ABLIM1: variants seen among roughly 807,000 people sequenced by gnomAD.
The protein encoded by ABLIM1 is actin-binding LIM protein 1.
ABLIM1 carries 40 observed loss-of-function variants against 107.0 expected under a neutral mutation model. The observed-to-expected ratio is 0.37, with a 90% CI of 0.29 to 0.49. ABLIM1 has a LOEUF of 0.49. Among genes scored for constraint, ABLIM1 ranks in the 20% least tolerant of loss-of-function variants. The pLI is 0.97. For synonymous variants in ABLIM1, 357 were observed against 357.3 expected (o/e 1.00, Z 0.01); for missense variants, 857 against 1,008.5 (o/e 0.85, Z 2.04).
At chr10:114,439,512 A>T (rs2059901042) in intron 20 of ABLIM1, 1 of 554,192 alleles carries the variant, frequency 1.8e-6, no homozygotes, top group Non-Finnish European at 3.2e-6. Flanking sequence ...GAATGAAAGC[A>T]TATAGTACAT....
At chr10:114,659,047 C>T (rs1297158776), upstream of ABLIM1, among the ~76,000 whole-genome samples, 1 of 152,194 alleles carries the variant, frequency 6.6e-6, no homozygotes, top group Admixed American at 6.5e-5. Context: ...CCGTCTACAA[C>T]CATACAAAAG....
chr10:114,586,696 T>TTG (rs1555190037), intron 2 of ABLIM1, among the ~76,000 whole-genome samples: 120 of 152,052 alleles, frequency 7.9e-4, no homozygotes, highest in African/African-American at 2.7e-3. Flanking sequence ...TCAGAAATAT[T>TTG]TGATAGAATA....
At chr10:114,717,890 T>G (rs2142007132) in intron 1 of ABLIM1, among the ~76,000 whole-genome samples, 1 of 122,498 alleles carries the variant, frequency 8.2e-6, no homozygotes, top group Admixed American at 1.1e-4. Flanking sequence ...CCAGCCTGGG[T>G]GACAGAGAAA....
At chr10:114,525,396 C>A (rs1285799039) in intron 6 of ABLIM1, among the ~76,000 whole-genome samples, 1 of 152,158 alleles carries the variant, frequency 6.6e-6, no homozygotes. Context: ...ACTGGATAAG[C>A]CACTGATGCG....
At chr10:114,544,667 A>G (rs890364108) in intron 6 of ABLIM1, among the ~76,000 whole-genome samples, 2 of 152,164 alleles carry the variant, frequency 1.3e-5, no homozygotes, top group African/African-American at 4.8e-5. Flanking sequence ...ACATGCACAC[A>G]TGGATGTATA....
Position 114,571,364 on chromosome 10 carries a change from T to C in ABLIM1, c.606A>G (p.Arg202=), listed in dbSNP as rs747509370. 84 of 1,614,052 alleles carry C rather than the reference T, an allele frequency of 5.2e-5. 1 individual carries two copies. Among genetic ancestry groups the C allele is most frequent in the Non-Finnish European group, 4.9e-5 (58 of 1,180,040 alleles). The change falls in exon 4 of 23, where the codon AGA becomes AGG. Residue 202 remains arginine (R), a synonymous_variant. Coordinates refer to ENST00000533213, the MANE Select transcript of ABLIM1 (RefSeq NM_002313.7). ...GTGCACAGAGTTGACAAAGGCAGTC[T>C]CTCCCATTGAATGTGACTCGGTCTC... ...PPGDRVTFNG[R]DCLCQLCAQP...
At chr10:114,691,940 G>A (rs1297044256) in intron 1 of ABLIM1, among the ~76,000 whole-genome samples, 1 of 152,148 alleles carries the variant, frequency 6.6e-6, no homozygotes, top group Non-Finnish European at 1.5e-5. Context: ...TAAACACCTA[G>A]AAGACACATA....
chr10:114,568,946 C>T (rs1192573144), intron 4 of ABLIM1, among the ~76,000 whole-genome samples: 4 of 152,152 alleles, frequency 2.6e-5, no homozygotes, highest in Non-Finnish European at 4.4e-5. Flanking sequence ...ATCAACATTT[C>T]GGTAGAGCTG....
At chr10:114,657,045 G>A (rs998325970) in intron 1 of ABLIM1, among the ~76,000 whole-genome samples, 2 of 152,158 alleles carry the variant, frequency 1.3e-5, no homozygotes, top group Admixed American at 1.3e-4. Context: ...GACTTTAAAT[G>A]GATGAATTTT....
At chr10:114,466,675 T>A (rs1259473567) in intron 11 of ABLIM1, among the ~76,000 whole-genome samples, 1 of 152,174 alleles carries the variant, frequency 6.6e-6, no homozygotes, top group Admixed American at 6.5e-5. Context: ...TAAATTCTCC[T>A]GAATAACAAG....
intron 2 of ABLIM1, among the ~76,000 whole-genome samples, chr10:114,582,262 A>G (rs2073477478): frequency 6.6e-6 from 1 of 152,202 alleles, no homozygotes; most frequent in African/African-American, 2.4e-5. Flanking sequence ...AATCCCATTT[A>G]CAATAGCCAC....
Position 114,447,865 on chromosome 10 carries a change from G to A in ABLIM1, c.1735+15C>T, listed in dbSNP as rs368391827. On this transcript the variant is annotated intron_variant, in intron 15 of 22. Coordinates refer to ENST00000533213, the MANE Select transcript of ABLIM1 (RefSeq NM_002313.7). ...AGCAGTTTGTCCCTTTGACTTAGCCGTGACAGTTGCATACCTACGACAGCA... is the reference window on the plus strand; with the variant it reads ...AGCAGTTTGTCCCTTTGACTTAGCCATGACAGTTGCATACCTACGACAGCA... 3.3e-5 allele frequency: 53 copies of A among 1,613,790 alleles called. No homozygotes were observed. Among genetic ancestry groups the A allele is most frequent in the South Asian group, 5.5e-5 (5 of 91,046 alleles).
Position 114,729,804 on chromosome 10 carries a change from A to C in ABLIM1, c.-213+38257T>G, listed in dbSNP as rs576395375. Among the ~76,000 whole-genome samples, 99 of 152,266 alleles carry C rather than the reference A, an allele frequency of 6.5e-4. 3 individuals are homozygous for C. In the South Asian group the frequency reaches 0.02, roughly 30 times the overall value. On this transcript the variant is annotated intron_variant, in intron 1 of 15. Coordinates refer to the ABLIM1 transcript ENST00000651092. ...CCATGTTATTCAGCTTGGCCAGTACAATTACTGGGTAAAAAATAAGCCAAT... is the reference window on the plus strand; with the variant it reads ...CCATGTTATTCAGCTTGGCCAGTACCATTACTGGGTAAAAAATAAGCCAAT...
At chr10:114,673,270 A>AC (rs1491569256) in intron 1 of ABLIM1, among the ~76,000 whole-genome samples, 2 of 143,840 alleles carry the variant, frequency 1.4e-5, no homozygotes, top group African/African-American at 5.1e-5. Context: ...AAAAAAAAAA[A>AC]CAAAAAAAAA....
intron 1 of ABLIM1, among the ~76,000 whole-genome samples, chr10:114,636,295 C>T (rs2078476806): frequency 6.6e-6 from 1 of 152,146 alleles, no homozygotes; most frequent in African/African-American, 2.4e-5. Flanking sequence ...CAAGATGAGG[C>T]TGGGTGACAG....
Position 114,707,896 on chromosome 10 carries a change from C to T in ABLIM1, c.-213+60165G>A, listed in dbSNP as rs541855463. Among the ~76,000 whole-genome samples, 131 of 151,520 alleles carry T rather than the reference C, an allele frequency of 8.6e-4. No individual in the cohort carries two copies. The highest frequency in any genetic ancestry group is 3.4e-3 in the Middle Eastern group (1 of 294). On this transcript the variant is annotated intron_variant, in intron 1 of 15. Coordinates refer to the ABLIM1 transcript ENST00000651092. The surrounding 1 kb of genome is among the most constrained non-coding windows in gnomAD (Gnocchi z 4.1). ...AGCCTGGGCGACAAGAGCAAAACTC[C>T]GTCTCAAAACAAACAAACAAACAAA...
chr10:114,777,730 A>G, the ABLIM1 span, among the ~76,000 whole-genome samples: 794 of 152,334 alleles, frequency 5.2e-3, 9 homozygotes, highest in African/African-American at 0.018. Context: ...GCAAGCACCA[A>G]GAGTCCCTCT....
intron 1 of ABLIM1, among the ~76,000 whole-genome samples, chr10:114,753,903 T>C (rs778567737): frequency 2.0e-5 from 3 of 152,122 alleles, no homozygotes; most frequent in Admixed American, 1.3e-4. Flanking sequence ...CCAGGCTGGA[T>C]TGCAATGGCA....
intron 8 of ABLIM1, among the ~76,000 whole-genome samples, chr10:114,475,979 G>A (rs2056328366): frequency 6.6e-6 from 1 of 152,218 alleles, no homozygotes; most frequent in African/African-American, 2.4e-5. Flanking sequence ...GGGCACCACT[G>A]AGCCAAAGAA....
Sources: gnomAD v4.1 joint callset for allele counts (sites outside exome capture counted in the v4.1 genomes callset) on GRCh38, gnomAD v4.1.1 for gene constraint, Gnocchi (gnomAD v3.1) non-coding constraint, MANE v1.5 for transcripts, NCBI Gene and HGNC (gene_info 2026-07-23, HGNC 2026-07-21) for gene names.